RMST: variants seen among roughly 807,000 people sequenced by gnomAD.
RMST encodes the protein long intergenic non-protein coding RNA 54.
chr12:97,563,841 T>C (rs1441368001), intron 13 of RMST: 1 of 512,576 alleles, frequency 2.0e-6, no homozygotes, highest in Non-Finnish European at 4.1e-6. Flanking sequence ...CTTTATGGCT[T>C]TTTATTCCTA....
intron 13 of RMST, among the ~76,000 whole-genome samples, chr12:97,561,546 CA>C (rs1884102194): frequency 6.7e-6 from 1 of 148,848 alleles, no homozygotes; most frequent in Non-Finnish European, 1.5e-5. Flanking sequence ...GGATATGAGT[CA>C]AGTGACAAGA....
chr12:97,493,651 G>A (rs77838109), intron 7 of RMST, among the ~76,000 whole-genome samples: 6 of 152,140 alleles, frequency 3.9e-5, no homozygotes, highest in South Asian at 2.1e-4. Context: ...GCAGCAACCC[G>A]TCAGTTTCCA....
intron 10 of RMST, among the ~76,000 whole-genome samples, chr12:97,528,618 CTT>C (rs1223604269): frequency 1.3e-5 from 2 of 152,152 alleles, no homozygotes; most frequent in South Asian, 2.1e-4. Context: ...ACTTTGAACT[CTT>C]TAGGAATAAA....
intron 5 of RMST, among the ~76,000 whole-genome samples, chr12:97,470,774 A>G (rs1873818476): frequency 6.6e-6 from 1 of 151,970 alleles, no homozygotes; most frequent in South Asian, 2.1e-4. Flanking sequence ...TTACACTCTA[A>G]GTGATTATTT....
At chr12:97,497,744 T>C (rs1053502810) in intron 10 of RMST, among the ~76,000 whole-genome samples, 6 of 152,016 alleles carry the variant, frequency 3.9e-5, no homozygotes, top group Admixed American at 3.9e-4. Context: ...ATAAAATGTG[T>C]TTTGTTTTTT....
chr12:97,481,793 A>G (rs1318141692), intron 5 of RMST, among the ~76,000 whole-genome samples: 1 of 152,190 alleles, frequency 6.6e-6, no homozygotes, highest in East Asian at 1.9e-4. Flanking sequence ...TAAAGTTGGG[A>G]CATTCAGAAA....
chr12:97,502,879 A>G (rs1878241335), intron 10 of RMST, among the ~76,000 whole-genome samples: 1 of 152,328 alleles, frequency 6.6e-6, no homozygotes, highest in East Asian at 1.9e-4. Flanking sequence ...TAGTAATAGT[A>G]AACACTTATA....
At chr12:97,531,863 A>G (rs571683048) in intron 11 of RMST, among the ~76,000 whole-genome samples, 1 of 152,124 alleles carries the variant, frequency 6.6e-6, no homozygotes, top group South Asian at 2.1e-4. Context: ...CATTTTGGAA[A>G]CAAATTTTGC....
chr12:97,544,313 G>A (rs1882774767), intron 11 of RMST, among the ~76,000 whole-genome samples: 1 of 152,038 alleles, frequency 6.6e-6, no homozygotes, highest in Admixed American at 6.6e-5. Context: ...ATAACTTTTA[G>A]TAACAATTGT....
intron 5 of RMST, among the ~76,000 whole-genome samples, chr12:97,473,569 T>C (rs1874187461): frequency 6.6e-6 from 1 of 152,280 alleles, no homozygotes; most frequent in East Asian, 1.9e-4. Context: ...TTCTATGTGA[T>C]GGAAAACTTT....
At chr12:97,536,564 A>G (rs1882093938) in intron 11 of RMST, among the ~76,000 whole-genome samples, 1 of 151,442 alleles carries the variant, frequency 6.6e-6, no homozygotes, top group Admixed American at 6.6e-5. Flanking sequence ...AGAGATGCTG[A>G]TATGTGGTAG....
chr12:97,480,256 A>T (rs1593141413), intron 5 of RMST, among the ~76,000 whole-genome samples: 1 of 151,478 alleles, frequency 6.6e-6, no homozygotes, highest in African/African-American at 2.4e-5. Flanking sequence ...CGCCTGGCTA[A>T]TTTTTTTGTA....
chr12:97,469,900 A>G (rs184259842), intron 5 of RMST, among the ~76,000 whole-genome samples: 3 of 152,250 alleles, frequency 2.0e-5, no homozygotes, highest in Admixed American at 1.3e-4. Flanking sequence ...ATACAATTTT[A>G]AAATGTCAAA....
intron 10 of RMST, among the ~76,000 whole-genome samples, chr12:97,521,852 C>T (rs754193467): frequency 3.3e-5 from 5 of 152,264 alleles, no homozygotes; most frequent in Non-Finnish European, 5.9e-5. Context: ...CCAGTTAACA[C>T]TTCAATTTGA....
rs149278743 is a variant in RMST at position 97,552,925 on chromosome 12, G to C, written n.1546-7612G>C. ...AACTAGGCTCTCCTCCAGACAGAAGGGGGTAAGAGTGAGCCTACAAAAGGC... is the reference window on the plus strand; with the variant it reads ...AACTAGGCTCTCCTCCAGACAGAAGCGGGTAAGAGTGAGCCTACAAAAGGC... On this transcript the variant is annotated intron_variant and non_coding_transcript_variant, in intron 11 of 13. Transcript: ENST00000640149. Among the ~76,000 whole-genome samples the C allele has an allele frequency of 5.3e-4, 80 of 152,258 alleles. 1 individual carries two copies. Among genetic ancestry groups the C allele is most frequent in the African/African-American group, 1.9e-3 (77 of 41,552 alleles).
chr12:97,542,910 T>C (rs1270545258), intron 11 of RMST, among the ~76,000 whole-genome samples: 1 of 151,992 alleles, frequency 6.6e-6, no homozygotes, highest in Non-Finnish European at 1.5e-5. Flanking sequence ...TACTCTCGAC[T>C]GTGGCTGAGA....
At chr12:97,535,260 T>A (rs762529395) in intron 11 of RMST, among the ~76,000 whole-genome samples, 11 of 151,756 alleles carry the variant, frequency 7.2e-5, no homozygotes, top group Non-Finnish European at 1.3e-4. Context: ...TTCAAGTGAG[T>A]TGGAAGGTGA....
At chr12:97,496,933 T>A (rs1170036924) in intron 10 of RMST, among the ~76,000 whole-genome samples, 2 of 152,210 alleles carry the variant, frequency 1.3e-5, no homozygotes, top group Non-Finnish European at 2.9e-5. Flanking sequence ...AAGACTAAAG[T>A]TCTGAGATGT....
intron 10 of RMST, among the ~76,000 whole-genome samples, chr12:97,496,886 T>C (rs185063034): frequency 6.6e-6 from 1 of 152,318 alleles, no homozygotes; most frequent in African/African-American, 2.4e-5. Flanking sequence ...GTAAGAGTCA[T>C]CTTGGATAGG....
Sources: gnomAD v4.1 joint callset for allele counts (sites outside exome capture counted in the v4.1 genomes callset) on GRCh38, gnomAD v4.1.1 for gene constraint, MANE v1.5 for transcripts, NCBI Gene and HGNC (gene_info 2026-07-23, HGNC 2026-07-21) for gene names.